NREP: variants seen among roughly 807,000 people sequenced by gnomAD.
The protein encoded by NREP is neuronal regeneration related protein, also known as neuronal regeneration-related protein.
NREP carries 5 observed loss-of-function variants against 8.6 expected under a neutral mutation model. The observed-to-expected ratio is 0.58, with a 90% CI of 0.30 to 1.22. The LOEUF (loss-of-function observed/expected upper bound fraction) is 1.22, where lower values mean the gene tolerates loss of function less well. Among genes scored for constraint, NREP ranks in the 50% most tolerant of loss-of-function variants. The pLI is 0.07. For synonymous variants in NREP, 27 were observed against 28.0 expected, an observed-to-expected ratio of 0.96 and a Z score of 0.11; for missense variants, 86 against 82.5, an observed-to-expected ratio of 1.04 and a Z score of -0.17.
In NREP at chr5:111,776,493, T is replaced by G. The variant is rs564482640; in HGVS notation, c.136-40986A>C. 2.0e-5 allele frequency among the ~76,000 whole-genome samples: 3 copies of G among 152,240 alleles called. No individual in the cohort carries two copies. In the South Asian group the frequency reaches 6.2e-4, roughly 32 times the overall value. The stretch of plus-strand genomic sequence containing the variant: ...GGTGTATGAGAAATAAATGCATATA[T>G]CCACCAAAAGACATGCGCAAGTCTG... On this transcript the variant is annotated intron_variant, in intron 2 of 3. Transcript: ENST00000395634.
At chr5:111,919,203 A>C (rs1037605406) in intron 2 of NREP, among the ~76,000 whole-genome samples, 1 of 149,208 alleles carries the variant, frequency 6.7e-6, no homozygotes, top group African/African-American at 2.6e-5. Flanking sequence ...TTAGAATGGC[A>C]ATCATTAGCA....
upstream of NREP, among the ~76,000 whole-genome samples, chr5:111,759,865 T>G (rs1416987260): frequency 6.6e-6 from 1 of 152,168 alleles, no homozygotes; most frequent in Non-Finnish European, 1.5e-5. Context: ...CTTCTAAAAT[T>G]TCTTTTTAAT....
intron 2 of NREP, among the ~76,000 whole-genome samples, chr5:111,841,982 ACT>A (rs1169206689): frequency 6.6e-6 from 1 of 151,018 alleles, no homozygotes; most frequent in Non-Finnish European, 1.5e-5. Flanking sequence ...TGGATGGAAA[ACT>A]CTGGTGTGAT....
upstream of NREP, chr5:111,758,312 T>G (rs574234884): frequency 4.2e-6 from 4 of 956,740 alleles, no homozygotes; most frequent in Non-Finnish European, 5.0e-6. Context: ...TGGTGCTTCC[T>G]TCTCCTTCCC....
intron 2 of NREP, among the ~76,000 whole-genome samples, chr5:111,894,029 C>A (rs1189245445): frequency 6.6e-6 from 1 of 151,924 alleles, no homozygotes; most frequent in Non-Finnish European, 1.5e-5. Flanking sequence ...ACTAGCCTGG[C>A]AAACATGATG....
chr5:111,886,687 T>G (rs1003176508), intron 2 of NREP, among the ~76,000 whole-genome samples: 4 of 150,584 alleles, frequency 2.7e-5, no homozygotes, highest in African/African-American at 7.3e-5. Flanking sequence ...ATGGATGAAA[T>G]TGGAAATCAT....
At chr5:111,958,646 T>C (rs1027140174) in intron 2 of NREP, among the ~76,000 whole-genome samples, 2 of 151,782 alleles carry the variant, frequency 1.3e-5, no homozygotes, top group South Asian at 2.1e-4. Flanking sequence ...ATTGAAGACA[T>C]AAAGAAGAAT....
intron 2 of NREP, among the ~76,000 whole-genome samples, chr5:111,772,056 G>A (rs1027191545): frequency 6.6e-6 from 1 of 152,140 alleles, no homozygotes; most frequent in African/African-American, 2.4e-5. Flanking sequence ...GGAATTCCAC[G>A]ATCTGTAAAA....
chr5:111,900,225 T>C (rs1197012960), intron 2 of NREP, among the ~76,000 whole-genome samples: 1 of 151,794 alleles, frequency 6.6e-6, no homozygotes, highest in African/African-American at 2.4e-5. Context: ...TTTAAAAATA[T>C]TAAAACAAGA....
intron 2 of NREP, among the ~76,000 whole-genome samples, chr5:111,866,337 G>A (rs925294472): frequency 2.0e-4 from 30 of 152,014 alleles, no homozygotes; most frequent in Non-Finnish European, 4.1e-4. Flanking sequence ...GTGAGCAAAG[G>A]ATATGAAAAG....
intron 2 of NREP, among the ~76,000 whole-genome samples, chr5:111,881,513 G>A (rs1265811897): frequency 2.0e-5 from 3 of 152,170 alleles, no homozygotes; most frequent in African/African-American, 7.2e-5. Context: ...TCTGAGAATG[G>A]GCAGACTGCC....
chr5:111,919,915 G>GAAAGAAA (rs1554053106), intron 2 of NREP, among the ~76,000 whole-genome samples: 1 of 146,176 alleles, frequency 6.8e-6, no homozygotes, highest in Admixed American at 6.9e-5. Context: ...AAGAAAGAAA[G>GAAAGAAA]AAAGATCTGA....
At chr5:111,933,740 T>C (rs1236821085) in intron 2 of NREP, among the ~76,000 whole-genome samples, 2 of 152,122 alleles carry the variant, frequency 1.3e-5, no homozygotes, top group African/African-American at 4.8e-5. Context: ...AGAATTTCTA[T>C]GAACGAAAGA....
intron 2 of NREP, among the ~76,000 whole-genome samples, chr5:111,744,700 G>A (rs1749893189): frequency 6.6e-6 from 1 of 152,066 alleles, no homozygotes; most frequent in African/African-American, 2.4e-5. Context: ...GAAGGGAGGA[G>A]CTCCCAACCC....
At chr5:111,914,971 T>C (rs184987859) in intron 2 of NREP, among the ~76,000 whole-genome samples, 1 of 152,266 alleles carries the variant, frequency 6.6e-6, no homozygotes, top group East Asian at 1.9e-4. Context: ...GTCTATGCAT[T>C]AATACAAGTC....
intron 2 of NREP, among the ~76,000 whole-genome samples, chr5:111,876,827 C>A (rs1055241825): frequency 3.9e-5 from 6 of 151,998 alleles, no homozygotes; most frequent in Non-Finnish European, 5.9e-5. Flanking sequence ...TCATAAGAAT[C>A]CTGTGAGGAA....
chr5:111,928,668 C>T (rs1174850598), intron 2 of NREP, among the ~76,000 whole-genome samples: 3 of 152,080 alleles, frequency 2.0e-5, no homozygotes, highest in Non-Finnish European at 1.5e-5. Flanking sequence ...AAGTTTTCCC[C>T]TGAGTAGCTT....
At chr5:111,857,963 TAA>T (rs768713605) in intron 2 of NREP, among the ~76,000 whole-genome samples, 3 of 140,996 alleles carry the variant, frequency 2.1e-5, no homozygotes, top group Admixed American at 7.1e-5. Flanking sequence ...CAAAGGAGAT[TAA>T]AAAAAAAAAA....
chr5:111,758,339 G>A (rs1385283661), upstream of NREP: 6 of 780,120 alleles, frequency 7.7e-6, no homozygotes, highest in Non-Finnish European at 9.3e-6. Flanking sequence ...CTCCCCCACT[G>A]CCTGCCCGTC....
Sources: allele counts gnomAD v4.1 joint callset (sites outside exome capture counted in the v4.1 genomes callset), GRCh38; gene constraint gnomAD v4.1.1; transcripts MANE v1.5; gene names NCBI Gene and HGNC (gene_info 2026-07-23, HGNC 2026-07-21).